PCDHGA3: variants seen among roughly 807,000 people sequenced by gnomAD.
PCDHGA3 encodes the protein protocadherin gamma subfamily A, 3, also known as protocadherin gamma-A3.
In PCDHGA3, 40 loss-of-function variants were observed where a neutral mutation model predicts 58.5. That is an observed-to-expected ratio of 0.68 (90% CI 0.53 to 0.89). The LOEUF is 0.89. Ranked by LOEUF, PCDHGA3 falls within the 40% of genes least tolerant of loss-of-function variation. The pLI is 0.00. For missense variants in PCDHGA3, 1,223 were observed against 1,195.9 expected (o/e 1.02, Z -0.33); for synonymous variants, 530 against 525.7 (o/e 1.01, Z -0.11).
intron 1 of PCDHGA3, among the ~76,000 whole-genome samples, chr5:141,454,900 C>T (rs1411402448): frequency 1.4e-5 from 2 of 145,486 alleles, no homozygotes; most frequent in African/African-American, 2.6e-5. Flanking sequence ...CACCGCCTCC[C>T]GGGTTCACGC....
chr5:141,484,266 T>G (rs2099593967), intron 1 of PCDHGA3, among the ~76,000 whole-genome samples: 1 of 152,220 alleles, frequency 6.6e-6, no homozygotes, highest in Non-Finnish European at 1.5e-5. Flanking sequence ...ACACTGATTC[T>G]TTACTGTTTT....
intron 1 of PCDHGA3, among the ~76,000 whole-genome samples, chr5:141,406,301 A>C (rs1447923303): frequency 6.6e-6 from 1 of 151,966 alleles, no homozygotes; most frequent in Non-Finnish European, 1.5e-5. Context: ...TGAGGTGTGA[A>C]CCACCTCACC....
chr5:141,394,640 C>T (rs1316258017), intron 1 of PCDHGA3: 2 of 1,613,310 alleles, frequency 1.2e-6, no homozygotes, highest in Non-Finnish European at 1.7e-6. Flanking sequence ...ACCGCCTGCT[C>T]AAGGCCAGCG....
intron 1 of PCDHGA3, among the ~76,000 whole-genome samples, chr5:141,462,941 G>A (rs1667222225): frequency 6.6e-6 from 1 of 152,158 alleles, no homozygotes; most frequent in Non-Finnish European, 1.5e-5. Flanking sequence ...TTCAAGGCTT[G>A]TTTTTAAGCT....
At position 141,486,960 on chromosome 5, in the gene PCDHGA3, T is replaced by C; in HGVS notation, c.2425-7847T>C. On this transcript the variant is annotated intron_variant, in intron 1 of 3. Transcript: ENST00000253812. The surrounding 1 kb of genome is among the most constrained non-coding windows in gnomAD (Gnocchi z 5.0). Reference sequence around the variant, plus strand: ...CACCTAATCACAAAGGTGACTGCTGTGGACTTGGATTCAGGTTACAATGCT... The same window carrying C: ...CACCTAATCACAAAGGTGACTGCTGCGGACTTGGATTCAGGTTACAATGCT... The C allele has an allele frequency of 6.2e-7, 1 of 1,614,228 alleles. No individual in the cohort carries two copies. Among genetic ancestry groups the C allele is most frequent in the Non-Finnish European group, 8.5e-7 (1 of 1,180,034 alleles).
intron 1 of PCDHGA3, among the ~76,000 whole-genome samples, chr5:141,373,074 A>G (rs910796457): frequency 6.6e-6 from 1 of 152,228 alleles, no homozygotes; most frequent in Non-Finnish European, 1.5e-5. Flanking sequence ...TTTTTAATAC[A>G]GTATTATCTC....
intron 1 of PCDHGA3, chr5:141,352,470 C>A (rs1356283636): frequency 6.2e-7 from 1 of 1,614,016 alleles, no homozygotes; most frequent in East Asian, 2.2e-5. Flanking sequence ...GGGGTTCCTC[C>A]CAACCACAGC....
chr5:141,390,002 T>A (rs1263938438), intron 1 of PCDHGA3: 1 of 1,614,038 alleles, frequency 6.2e-7, no homozygotes, highest in East Asian at 2.2e-5. Context: ...TGGCCATGAT[T>A]CTGGCCATTG....
At chr5:141,483,258 T>G (rs2099579023) in intron 1 of PCDHGA3, among the ~76,000 whole-genome samples, 1 of 137,930 alleles carries the variant, frequency 7.3e-6, no homozygotes, top group South Asian at 2.1e-4. Flanking sequence ...TCATGAGGTT[T>G]TTTTGTTTTA....
At position 141,395,235 on chromosome 5, in the gene PCDHGA3, C is replaced by T. The variant is rs775441341; in HGVS notation, c.2424+48778C>T. 7 of 1,601,042 alleles carry T rather than the reference C, an allele frequency of 4.4e-6. No homozygotes were observed. In the South Asian group the frequency reaches 7.9e-5, roughly 18 times the overall value. ...ATATAAGAATGAAGCTGATCATGGT[C>T]AGGTGAGTTTAGTTCTTTGCTTGCT... On this transcript the variant is annotated intron_variant, in intron 1 of 3. Transcript: ENST00000253812.
intron 1 of PCDHGA3, chr5:141,367,403 G>GTT (rs1765106361): frequency 2.0e-5 from 3 of 152,234 alleles, no homozygotes; most frequent in African/African-American, 7.2e-5. Context: ...CGGGCGTGGT[G>GTT]GCAGGCGCCT....
intron 1 of PCDHGA3, chr5:141,423,265 G>T: frequency 6.2e-7 from 1 of 1,613,666 alleles, no homozygotes; most frequent in Non-Finnish European, 8.5e-7. Flanking sequence ...CGGCAGCCTC[G>T]AGTCTCTGGC....
chr5:141,423,539 T>C (rs747825176), intron 1 of PCDHGA3: 10 of 1,613,140 alleles, frequency 6.2e-6, no homozygotes, highest in Non-Finnish European at 8.5e-6. Flanking sequence ...CACCTGATTT[T>C]CCCCCAGCCC....
chr5:141,418,370 C>G (rs910813828), intron 1 of PCDHGA3: 1 of 1,613,822 alleles, frequency 6.2e-7, no homozygotes, highest in African/African-American at 1.3e-5. Flanking sequence ...GAGCAAATAC[C>G]AACTAAGTCC....
chr5:141,446,088 T>C (rs2098487177), intron 1 of PCDHGA3, among the ~76,000 whole-genome samples: 1 of 152,100 alleles, frequency 6.6e-6, no homozygotes, highest in African/African-American at 2.4e-5. Flanking sequence ...TAGAAATAAA[T>C]GGATGAATTA....
At chr5:141,411,771 A>C (rs2095514402) in intron 1 of PCDHGA3, 1 of 151,946 alleles carries the variant, frequency 6.6e-6, no homozygotes, top group Non-Finnish European at 1.5e-5. Flanking sequence ...GGTCTCAGCT[A>C]CTCTGGTGGC....
In PCDHGA3 at chr5:141,343,962, G is replaced by A. The variant is rs1757344365; in HGVS notation, c.-72G>A. 2.2e-6 allele frequency: 3 copies of A among 1,360,828 alleles called. No homozygotes were observed. The highest frequency in any genetic ancestry group is 2.0e-6 in the Non-Finnish European group (2 of 1,009,016). 84.3% of individuals were successfully genotyped at this position (1,360,828 alleles called of 1,614,324 possible). On this transcript the variant is annotated 5_prime_UTR_variant, in exon 1 of 4. Coordinates refer to ENST00000253812, the MANE Select transcript of PCDHGA3 (RefSeq NM_018916.4). ...AGGCCCGTAAAAGACTTCGTTTCTT[G>A]AGAAAATAAGATTGGAGTCCGTCGT...
At chr5:141,461,826 T>G (rs1466528519) in intron 1 of PCDHGA3, among the ~76,000 whole-genome samples, 2 of 151,912 alleles carry the variant, frequency 1.3e-5, no homozygotes, top group Non-Finnish European at 1.5e-5. Flanking sequence ...GCTAATTTTT[T>G]TTTCTTTTTT....
chr5:141,375,007 C>T (rs369489853), intron 1 of PCDHGA3: 1 of 1,614,000 alleles, frequency 6.2e-7, no homozygotes, highest in African/African-American at 1.3e-5. Context: ...CAAATCTAGA[C>T]TATGAGGACT....
Sources: allele counts gnomAD v4.1 joint callset (sites outside exome capture counted in the v4.1 genomes callset), GRCh38; gene constraint gnomAD v4.1.1; non-coding constraint Gnocchi (gnomAD v3.1); transcripts MANE v1.5; gene names NCBI Gene and HGNC (gene_info 2026-07-23, HGNC 2026-07-21).